The following PIK3CA variants were observed in gnomAD, a reference collection of about 807,000 sequenced individuals.
PIK3CA encodes the protein phosphatidylinositol 4,5-bisphosphate 3-kinase catalytic subunit alpha isoform.
Under a neutral mutation model 138.2 loss-of-function variants are expected in PIK3CA, and 27 were observed. The observed-to-expected ratio is 0.20, with a 90% CI of 0.14 to 0.27. The LOEUF (loss-of-function observed/expected upper bound fraction) is 0.27, where lower values mean the gene tolerates loss of function less well. Ranked by LOEUF, PIK3CA falls within the 10% of genes least tolerant of loss-of-function variation. PIK3CA has a pLI of 1.00. For missense variants in PIK3CA, 544 were observed against 1,277.4 expected (o/e 0.43, Z 8.75); for synonymous variants, 358 against 413.2 (o/e 0.87, Z 1.62).
intron 1 of PIK3CA, among the ~76,000 whole-genome samples, chr3:179,188,690 ATAAT>A (rs1171619143): frequency 1.3e-5 from 2 of 152,204 alleles, no homozygotes; most frequent in South Asian, 2.1e-4. Flanking sequence ...AAGAAATAAA[ATAAT>A]TAAATAAGAA....
chr3:179,229,175 C>A, intron 17 of PIK3CA, 97 bp from the exon 18 acceptor site: 1 of 947,836 alleles, frequency 1.1e-6, no homozygotes, highest in Non-Finnish European at 1.6e-6. Context: ...TCATGCATGA[C>A]AAATTTACTA....
At chr3:179,157,928 T>C (rs1316889322) in intron 1 of PIK3CA, among the ~76,000 whole-genome samples, 1 of 152,146 alleles carries the variant, frequency 6.6e-6, no homozygotes, top group Non-Finnish European at 1.5e-5. Context: ...TACATCACAA[T>C]GTTGTAATGA....
chr3:179,210,060 ATT>A (rs67871207), intron 7 of PIK3CA, 124 bp from the exon 8 acceptor site: 341 of 563,484 alleles, frequency 6.1e-4, no homozygotes, highest in Middle Eastern at 9.0e-4. Context: ...TGAAAAATCA[ATT>A]TTTTTTTTTT....
At chr3:179,207,735 G>T (rs1724602875) in intron 6 of PIK3CA, among the ~76,000 whole-genome samples, 1 of 152,032 alleles carries the variant, frequency 6.6e-6, no homozygotes, top group Non-Finnish European at 1.5e-5. Context: ...GGCCAGACTG[G>T]CTTCGAACTC....
intron 9 of PIK3CA, among the ~76,000 whole-genome samples, chr3:179,213,630 C>T (rs987962646): frequency 4.6e-5 from 7 of 152,196 alleles, no homozygotes; most frequent in African/African-American, 1.7e-4. Flanking sequence ...TATTTGATAG[C>T]ATTTTGCCCA....
At position 179,219,941 on chromosome 3, in the gene PIK3CA, T is replaced by A. The variant is rs2108411772; in HGVS notation, c.1912-8T>A. On this transcript the variant is annotated splice_polypyrimidine_tract_variant and splice_region_variant and intron_variant, in intron 12 of 20. Coordinates refer to ENST00000263967, the MANE Select transcript of PIK3CA (RefSeq NM_006218.4). The surrounding 1 kb of genome is among the most constrained non-coding windows in gnomAD (Gnocchi z 4.2). ...CTGACCCTGATTTGTTTTTTTGGAA[T>A]CACCTAGGTCCTAAAATATGAACAA... 1 of 1,605,652 alleles carries A rather than the reference T, an allele frequency of 6.2e-7. No homozygotes were observed. The highest frequency in any genetic ancestry group is 8.5e-7 in the Non-Finnish European group (1 of 1,177,190).
chr3:179,206,467 G>C (rs1184049852), intron 6 of PIK3CA, among the ~76,000 whole-genome samples: 3 of 152,260 alleles, frequency 2.0e-5, no homozygotes, highest in Admixed American at 1.3e-4. Context: ...AACAACATTT[G>C]AGGAAATAAT....
rs1723069917 is a variant in PIK3CA, at chr3:179,153,874, ATAGT to A, written c.-77+5274_-77+5277del. On this transcript the variant is annotated intron_variant, in intron 1 of 20. Coordinates refer to ENST00000263967, the MANE Select transcript of PIK3CA (RefSeq NM_006218.4). Reference sequence around the variant, plus strand: ...ATAAAAGATAAATATGAGGCAATATATAGTTAAAGTCTGAGGATTCAGCTTCAAG... The same window carrying A: ...ATAAAAGATAAATATGAGGCAATATATAAAGTCTGAGGATTCAGCTTCAAG... 2.0e-5 allele frequency among the ~76,000 whole-genome samples: 3 copies of A among 152,232 alleles called. No homozygotes were observed. In the South Asian group the frequency reaches 6.2e-4, roughly 32 times the overall value.
chr3:179,224,691 AT>A lies in PIK3CA; in HGVS notation c.2295-5del. ...AAGGTACCTAGTAAAGTTTTTAACT[AT>A]TTTAAAGGCTTGAAGAGTGTCGAAT... On this transcript the variant is annotated splice_polypyrimidine_tract_variant and splice_region_variant and intron_variant, in intron 15 of 20. Transcript: ENST00000263967. The A allele has an allele frequency of 6.3e-7, 1 of 1,577,124 alleles. No individual in the cohort carries two copies. Among genetic ancestry groups the A allele is most frequent in the Non-Finnish European group, 8.6e-7 (1 of 1,157,628 alleles).
In PIK3CA at chr3:179,226,024, C is replaced by G. The variant is rs2108419580; in HGVS notation, c.2479C>G (p.Gln827Glu). 6.3e-7 allele frequency: 1 copy of G among 1,593,144 alleles called. No individual in the cohort carries two copies. The change falls in exon 17 of 21, where the codon CAA becomes GAA. Residue 827 changes from glutamine (Q) to glutamate (E), a missense_variant. By Grantham distance (29) the Gln-to-Glu change is conservative. Transcript: ENST00000263967. ...IRIMENIWQN[Q>E]GLDLRMLPYG... ...TATTATGGAAAATATCTGGCAAAAT[C>G]AAGGTCTTGATCTTCGGTAGGTAAC...
At chr3:179,201,859 G>A (rs1196789467) in intron 4 of PIK3CA, among the ~76,000 whole-genome samples, 1 of 152,056 alleles carries the variant, frequency 6.6e-6, no homozygotes. Flanking sequence ...ACTCTCCGTG[G>A]CTTCCCAAAG....
At chr3:179,210,372 T>C in intron 8 of PIK3CA, 34 bp downstream of exon 8, 2 of 1,584,506 alleles carry the variant, frequency 1.3e-6, no homozygotes, top group Non-Finnish European at 1.7e-6. Flanking sequence ...TAGATATTTT[T>C]TATGGCAGTC....
intron 1 of PIK3CA, among the ~76,000 whole-genome samples, chr3:179,167,841 A>G (rs549563648): frequency 3.0e-4 from 46 of 152,228 alleles, no homozygotes; most frequent in African/African-American, 8.4e-4. Flanking sequence ...GCATGATGTT[A>G]TACATTTTTT....
chr3:179,196,646 T>G (rs1724272084), intron 1 of PIK3CA, among the ~76,000 whole-genome samples: 1 of 152,262 alleles, frequency 6.6e-6, no homozygotes, highest in Non-Finnish European at 1.5e-5. Context: ...ATTTCTGCTA[T>G]TCCTACTCTT....
intron 1 of PIK3CA, among the ~76,000 whole-genome samples, chr3:179,173,426 A>AAC (rs1203283302): frequency 1.3e-5 from 2 of 149,766 alleles, no homozygotes; most frequent in African/African-American, 4.9e-5. Flanking sequence ...AAAAAAAAAA[A>AAC]AACTTAGCCA....
At chr3:179,189,938 A>G (rs1426407819) in intron 1 of PIK3CA, among the ~76,000 whole-genome samples, 1 of 152,230 alleles carries the variant, frequency 6.6e-6, no homozygotes, top group African/African-American at 2.4e-5. Flanking sequence ...TTCCAGAGCT[A>G]GTATATATTA....
rs1725325375 is a variant in PIK3CA, at chr3:179,235,979, C to T, written c.*1615C>T. ...AGCTTTAGCAGATGTCCAGGTGCCA[C>T]ATCAAAAAAGTGCAATAATTATTGA... is the stretch of plus-strand genomic sequence containing the variant. On this transcript the variant is annotated 3_prime_UTR_variant, in exon 21 of 21. Coordinates refer to ENST00000263967, the MANE Select transcript of PIK3CA (RefSeq NM_006218.4). 1.4e-5 allele frequency: 3 copies of T among 208,994 alleles called. No individual in the cohort carries two copies. The South Asian group carries it at 5.7e-4, about 39-fold the overall frequency. 12.9% of individuals were successfully genotyped at this position (208,994 alleles called of 1,614,324 possible).
intron 10 of PIK3CA, among the ~76,000 whole-genome samples, chr3:179,218,668 GTTCCCT>G (rs995003860): frequency 6.6e-6 from 1 of 151,860 alleles, no homozygotes; most frequent in Non-Finnish European, 1.5e-5. Context: ...ATTTTTAGGG[GTTCCCT>G]TTCATTTTTC....
At position 179,230,420 on chromosome 3, in the gene PIK3CA, G is replaced by T; in HGVS notation, c.2936+44G>T. On this transcript the variant is annotated intron_variant, in intron 20 of 20. Transcript: ENST00000263967. This position sits in a 1 kb window ranked among gnomAD's most constrained non-coding sequence, Gnocchi z 5.4. ...AAACACAAAATAAAGAGTTCTGGCT[G>T]CTCTATTAGAAACAATCAATATTTT... 6.8e-7 allele frequency: 1 copy of T among 1,473,278 alleles called. No homozygotes were observed. Among genetic ancestry groups the T allele is most frequent in the Non-Finnish European group, 9.2e-7 (1 of 1,083,080 alleles). 91.3% of individuals were successfully genotyped at this position (1,473,278 alleles called of 1,614,324 possible). A position where few individuals can be genotyped will look rare whatever the true frequency, so the allele number is the denominator to read the frequency against.
Sources: gnomAD v4.1 joint callset for allele counts (sites outside exome capture counted in the v4.1 genomes callset) on GRCh38, gnomAD v4.1.1 for gene constraint, Gnocchi (gnomAD v3.1) non-coding constraint, MANE v1.5 for transcripts, NCBI Gene and HGNC (gene_info 2026-07-23, HGNC 2026-07-21) for gene names.